Variants in NKPD1 observed in about 807,000 individuals in gnomAD.
NKPD1 encodes NTPase KAP family P-loop domain containing 1.
In NKPD1, 37 loss-of-function variants were observed where a neutral mutation model predicts 42.2. The observed-to-expected ratio is 0.88, with a 90% CI of 0.67 to 1.15. NKPD1 has a LOEUF of 1.15. NKPD1 is among the 50% of genes most tolerant of loss of function. The pLI is 0.00. For missense variants in NKPD1, 1,113 were observed against 1,174.6 expected, an observed-to-expected ratio of 0.95 and a Z score of 0.77; for synonymous variants, 552 against 536.5, an observed-to-expected ratio of 1.03 and a Z score of -0.40.
rs1170912133 is a variant in NKPD1 at position 45,152,100 on chromosome 19, A to T, written c.2337T>A (p.Ala779=). 1 of 1,605,990 alleles carries T rather than the reference A, an allele frequency of 6.2e-7. No individual in the cohort carries two copies. The change falls in exon 5 of 5, where the codon GCT becomes GCA. Residue 779 remains alanine (A), a synonymous_variant. Coordinates refer to ENST00000686631, the MANE Select transcript of NKPD1 (RefSeq NM_198478.4). ...PKSPTRDTPH[A]AHRANSASRA... ...TGGAGGCGCTGTTGGCCCGGTGGGC[A>T]GCGTGGGGGGTATCGCGGGTAGGGG...
intron 4 of NKPD1, among the ~76,000 whole-genome samples, chr19:45,155,442 G>A (rs1339608224): frequency 6.6e-6 from 1 of 152,246 alleles, no homozygotes; most frequent in African/African-American, 2.4e-5. Flanking sequence ...GAGGCCAGTA[G>A]GGGCTTGGCA....
rs1381463924 is a variant in NKPD1 at position 45,152,078 on chromosome 19, A to G, written c.2359T>C (p.Ser787Pro). The change falls in exon 5 of 5, where the codon TCC (serine) becomes CCC (proline). Residue 787 changes from serine (S) to proline (P), a missense_variant. This residue lies in a region of NKPD1 where 867 missense variants were observed against 870.1 expected (regional missense o/e 1.00). Transcript: ENST00000686631. ...GCACGGCCCGACGGGGGCGCCCTGG[A>G]GGCGCTGTTGGCCCGGTGGGCAGCG... is the stretch of plus-strand genomic sequence containing the variant. The part of the protein sequence containing the change: ...PHAAHRANSA[S>P]RAPPSGRASG... 6.2e-7 allele frequency: 1 copy of G among 1,607,234 alleles called. No homozygotes were observed. Among genetic ancestry groups the G allele is most frequent in the Non-Finnish European group, 8.5e-7 (1 of 1,177,724 alleles).
Position 45,159,009 on chromosome 19 carries a change from GT to G in NKPD1, c.182del (p.Tyr61SerfsTer91), listed in dbSNP as rs1358715571. ...CACTGCCACCCACTTGGTGGCTGTG[GT>G]AGGCCAGCTGCCAGTGTGATTGGGG... is the stretch of plus-strand genomic sequence containing the variant. ...PSPQSHWQLA[Y>X]HSHQVGGSGW... On this transcript the variant is annotated frameshift_variant, in exon 3 of 5. Transcript: ENST00000686631. LOFTEE classifies it high-confidence loss of function. 7.7e-7 allele frequency: 1 copy of G among 1,301,878 alleles called. No homozygotes were observed. Among genetic ancestry groups the G allele is most frequent in the Non-Finnish European group, 1.0e-6 (1 of 988,378 alleles). 80.6% of individuals were successfully genotyped at this position (1,301,878 alleles called of 1,614,324 possible). A position where few individuals can be genotyped will look rare whatever the true frequency, so the allele number is the denominator to read the frequency against.
At chr19:45,153,803 T>G (rs952497557) in intron 4 of NKPD1, 28 bp from the exon 5 acceptor site, 73 of 1,422,114 alleles carry the variant, frequency 5.1e-5, no homozygotes, top group South Asian at 7.5e-5. Context: ...GGGAGCCGCG[T>G]GAGCCGCAGA....
At chr19:45,154,070 G>A (rs1257822488) in intron 4 of NKPD1, among the ~76,000 whole-genome samples, 1 of 152,180 alleles carries the variant, frequency 6.6e-6, no homozygotes, top group Admixed American at 6.5e-5. Context: ...AAAGAGATAC[G>A]AGGAAGAGCC....
At chr19:45,155,763 A>G (rs1451965182) in intron 4 of NKPD1, 22 bp downstream of exon 4, 1 of 1,289,414 alleles carries the variant, frequency 7.8e-7, no homozygotes, top group African/African-American at 1.5e-5. Flanking sequence ...CCTCCCCCCA[A>G]CAAACACACA....
At chr19:45,156,955 C>T (rs913835442) in intron 3 of NKPD1, among the ~76,000 whole-genome samples, 1 of 152,182 alleles carries the variant, frequency 6.6e-6, no homozygotes, top group Non-Finnish European at 1.5e-5. Flanking sequence ...GTGGCCCCAC[C>T]TCATCCACCC....
chr19:45,155,024 A>T (rs1195335101), intron 4 of NKPD1, among the ~76,000 whole-genome samples: 1 of 12,572 alleles, frequency 8.0e-5, no homozygotes, highest in African/African-American at 1.8e-3. Flanking sequence ...GACTCCATTT[A>T]AAAAAAAAAA....
chr19:45,158,706 C>T lies in NKPD1; in HGVS notation c.486G>A (p.Leu162=), dbSNP rs570192671. 5.0e-6 allele frequency: 6 copies of T among 1,192,768 alleles called. No individual in the cohort carries two copies. Among genetic ancestry groups the T allele is most frequent in the Non-Finnish European group, 6.4e-6 (6 of 939,798 alleles). 73.9% of individuals were successfully genotyped at this position (1,192,768 alleles called of 1,614,324 possible). The stretch of plus-strand genomic sequence containing the variant: ...AGGAGCCACAGGCCGCTGGGGCGGG[C>T]AGGGGCCGGGCATCAGTGGGCTCGC... ...KPSEPTDARP[L]PAPAACGSFT... is the part of the protein sequence containing the mutation. Residue 162 remains leucine, a synonymous_variant, in exon 3 of 5, where the codon CTG becomes CTA. Transcript: ENST00000686631. This position sits in a 1 kb window ranked among gnomAD's most constrained non-coding sequence, Gnocchi z 4.6.
In NKPD1 at chr19:45,150,274, TAG is replaced by T. The variant is rs1965303847; in HGVS notation, c.*1662_*1663del. 1 of 152,172 alleles carries T rather than the reference TAG, an allele frequency of 6.6e-6. No homozygotes were observed. Among genetic ancestry groups the T allele is most frequent in the African/African-American group, 2.4e-5 (1 of 41,418 alleles). The allele number at this position is 152,172 out of a possible 1,614,324, so 9.4% of individuals were successfully genotyped here. ...CCAGCTAATCTTTTTGTATTTTTAT[TAG>T]AGACAGGGCTTCACCATGTTGGCCA... On this transcript the variant is annotated 3_prime_UTR_variant, in exon 5 of 5. Transcript: ENST00000686631.
At chr19:45,160,772 G>A (rs537388513) in intron 1 of NKPD1, among the ~76,000 whole-genome samples, 153 bp downstream of exon 1, 15 of 152,092 alleles carry the variant, frequency 9.9e-5, no homozygotes, top group African/African-American at 1.7e-4. Context: ...TGGGTGTACC[G>A]CGTTTCCAAT....
chr19:45,153,497 T>TGAAGGG lies in NKPD1; in HGVS notation c.934_939dup (p.Pro312_Phe313dup), dbSNP rs1470926884. On this transcript the variant is annotated inframe_insertion, in exon 5 of 5. Transcript: ENST00000686631. ...TTGTTGCCCAGCACCGAGTACACGC[T>TGAAGGG]GAAGGGCAGTGCGCCATAGTGGCGG... 1.9e-6 allele frequency: 3 copies of TGAAGGG among 1,556,902 alleles called. No individual in the cohort carries two copies. Among genetic ancestry groups the TGAAGGG allele is most frequent in the Non-Finnish European group, 2.6e-6 (3 of 1,153,196 alleles).
At position 45,152,509 on chromosome 19, in the gene NKPD1, C is replaced by T. The variant is rs1968806980; in HGVS notation, c.1928G>A (p.Gly643Glu). Residue 643 changes from glycine (G) to glutamate (E), a missense_variant, in exon 5 of 5, where the codon GGG becomes GAG. Transcript: ENST00000686631. ...VRLLQQQQQQ[G>E]DFGGPTPRQA... ...GCGCGGCGTGGGGCCCCCAAAGTCC[C>T]CCTGCTGCTGCTGCTGCTGCAGCAG... The T allele has an allele frequency of 6.4e-7, 1 of 1,568,560 alleles. No homozygotes were observed. The highest frequency in any genetic ancestry group is 8.6e-7 in the Non-Finnish European group (1 of 1,166,594).
chr19:45,162,657 C>A (rs556474960), upstream of NKPD1, among the ~76,000 whole-genome samples: 164 of 152,310 alleles, frequency 1.1e-3, no homozygotes, highest in Middle Eastern at 3.4e-3. Context: ...ACACTCCGGG[C>A]ACTCCCAGCC....
rs1968818662 is a variant in NKPD1, at chr19:45,152,870, C to T, written c.1567G>A (p.Val523Ile). The T allele has an allele frequency of 6.3e-7, 1 of 1,588,204 alleles. No individual in the cohort carries two copies. Among genetic ancestry groups the T allele is most frequent in the Admixed American group, 1.7e-5 (1 of 58,190 alleles). Residue 523 changes from valine to isoleucine, a missense_variant, in exon 5 of 5, where the codon GTC becomes ATC. Transcript: ENST00000686631. Reference sequence around the variant, plus strand: ...ATGGGCACAGAGAAGGGCAGCGTGACAGTGCGGTTGAGGAAGAGGTAGCCG... The same window carrying T: ...ATGGGCACAGAGAAGGGCAGCGTGATAGTGCGGTTGAGGAAGAGGTAGCCG... Reference protein sequence around the residue: ...DNGYLFLNRTVTLPFSVPIMG... With the variant: ...DNGYLFLNRTITLPFSVPIMG...
chr19:45,159,786 A>G (rs1229884485), intron 2 of NKPD1, among the ~76,000 whole-genome samples: 1 of 152,120 alleles, frequency 6.6e-6, no homozygotes, highest in East Asian at 1.9e-4. Flanking sequence ...TCCAGGCTGG[A>G]GGCCATCCAC....
At chr19:45,157,366 C>T (rs1968922632) in intron 3 of NKPD1, among the ~76,000 whole-genome samples, 1 of 152,206 alleles carries the variant, frequency 6.6e-6, no homozygotes, top group Admixed American at 6.5e-5. Context: ...ACCCTGACAT[C>T]CCCCATCTCC....
At chr19:45,155,432 G>A (rs1006493850) in intron 4 of NKPD1, among the ~76,000 whole-genome samples, 1 of 152,240 alleles carries the variant, frequency 6.6e-6, no homozygotes, top group Non-Finnish European at 1.5e-5. Context: ...GGGTGGCACA[G>A]AGGCCAGTAG....
At position 45,152,814 on chromosome 19, in the gene NKPD1, C is replaced by T; in HGVS notation, c.1623G>A (p.Leu541=). ...CGTCGCGGCTCTGCACCGCATCGTG[C>T]AGGAACTGCAGCTTGGTGCGGCGGC... is the stretch of plus-strand genomic sequence containing the variant. ...IMGRRTKLQF[L]HDAVQSRDDL... The change falls in exon 5 of 5, where the codon CTG becomes CTA. Residue 541 remains leucine (L), a synonymous_variant. Coordinates refer to ENST00000686631, the MANE Select transcript of NKPD1 (RefSeq NM_198478.4). 6.3e-7 allele frequency: 1 copy of T among 1,598,614 alleles called. No homozygotes were observed. The highest frequency in any genetic ancestry group is 8.5e-7 in the Non-Finnish European group (1 of 1,170,932).
Sources: gnomAD v4.1 joint callset for allele counts (sites outside exome capture counted in the v4.1 genomes callset) on GRCh38, gnomAD v4.1.1 for gene constraint, gnomAD v4.1.1 regional missense constraint, Gnocchi (gnomAD v3.1) non-coding constraint, MANE v1.5 for transcripts, NCBI Gene and HGNC (gene_info 2026-07-23, HGNC 2026-07-21) for gene names.